INO80D: variants seen among roughly 807,000 people sequenced by gnomAD.
INO80D encodes INO80 complex subunit D.
Under a neutral mutation model 87.6 loss-of-function variants are expected in INO80D, and 21 were observed. The observed-to-expected ratio is 0.24, with a 90% CI of 0.17 to 0.35. INO80D has a LOEUF of 0.35. Ranked by LOEUF, INO80D falls within the 10% of genes least tolerant of loss-of-function variation. INO80D has a pLI of 1.00. For missense variants in INO80D, 982 were observed against 1,280.7 expected (o/e 0.77, Z 3.56); for synonymous variants, 440 against 491.0 (o/e 0.90, Z 1.37).
At chr2:206,076,401 A>C (rs1690117408) in intron 1 of INO80D, among the ~76,000 whole-genome samples, 1 of 152,228 alleles carries the variant, frequency 6.6e-6, no homozygotes. Flanking sequence ...TTGATGAAGC[A>C]TAAGAATGTA....
chr2:206,016,072 C>T (rs1020019616), intron 8 of INO80D, among the ~76,000 whole-genome samples: 1 of 152,122 alleles, frequency 6.6e-6, no homozygotes, highest in Non-Finnish European at 1.5e-5. Flanking sequence ...ATCCTCCAGA[C>T]CCCAGAATGG....
intron 1 of INO80D, among the ~76,000 whole-genome samples, chr2:206,076,283 T>C (rs1690114101): frequency 6.6e-6 from 1 of 152,236 alleles, no homozygotes. Context: ...AAAGAATATT[T>C]ACTTATCCCA....
chr2:206,024,901 G>A (rs1434371887), intron 6 of INO80D, among the ~76,000 whole-genome samples: 5 of 151,816 alleles, frequency 3.3e-5, no homozygotes, highest in Non-Finnish European at 7.4e-5. Context: ...GACTACAGGT[G>A]CCCACCACCA....
intron 4 of INO80D, among the ~76,000 whole-genome samples, chr2:206,047,601 C>T (rs562021129): frequency 4.8e-4 from 72 of 150,844 alleles, no homozygotes; most frequent in African/African-American, 1.7e-3. Context: ...AAAAGAAGCT[C>T]GATATATGTT....
At chr2:206,022,807 G>A (rs945737325) in intron 6 of INO80D, among the ~76,000 whole-genome samples, 9 of 152,154 alleles carry the variant, frequency 5.9e-5, no homozygotes, top group South Asian at 2.1e-4. Context: ...TCTGCCTCCC[G>A]GGTTCAAGCA....
intron 5 of INO80D, among the ~76,000 whole-genome samples, chr2:206,043,865 G>C (rs1689125401): frequency 6.6e-6 from 1 of 152,134 alleles, no homozygotes; most frequent in African/African-American, 2.4e-5. Context: ...ACAGGTAGCT[G>C]CAACAAGAAA....
At chr2:206,075,039 C>CAAAAAAAAAAAAAAAAAAA (rs56081344) in intron 1 of INO80D, among the ~76,000 whole-genome samples, 16 of 117,702 alleles carry the variant, frequency 1.4e-4, no homozygotes, top group African/African-American at 3.7e-4. Flanking sequence ...AACTCCATCT[C>CAAAAAAAAAAAAAAAAAAA]AAAAAAAAAA....
intron 6 of INO80D, 46 bp downstream of exon 6, chr2:206,028,065 G>T: frequency 7.5e-7 from 1 of 1,333,584 alleles, no homozygotes; most frequent in Non-Finnish European, 1.0e-6. Context: ...AATAAAGAAA[G>T]CAAACTGAGA....
At chr2:206,075,249 T>C (rs985913105) in intron 1 of INO80D, among the ~76,000 whole-genome samples, 1 of 152,180 alleles carries the variant, frequency 6.6e-6, no homozygotes, top group African/African-American at 2.4e-5. Context: ...GACAAAAATA[T>C]GAACATTATT....
intron 6 of INO80D, among the ~76,000 whole-genome samples, chr2:206,026,915 T>C (rs925041106): frequency 6.6e-6 from 1 of 152,070 alleles, no homozygotes; most frequent in African/African-American, 2.4e-5. Context: ...TTGAAGAACA[T>C]AGGGAAATGG....
At position 206,031,526 on chromosome 2, in the gene INO80D, A is replaced by C. The variant is rs570957184; in HGVS notation, c.1074-3191T>G. Among the ~76,000 whole-genome samples the C allele has an allele frequency of 9.2e-5, 14 of 152,314 alleles. No individual in the cohort carries two copies. The South Asian group carries it at 2.5e-3, about 27-fold the overall frequency. ...CCCCTGCCACCGCTATCACCACCTC[A>C]GTGTCCCTTGGCTCCAGTCCCACTC... is the stretch of plus-strand genomic sequence containing the variant. On this transcript the variant is annotated intron_variant, in intron 5 of 10. Transcript: ENST00000403263.
intron 1 of INO80D, among the ~76,000 whole-genome samples, chr2:206,080,519 TTAAAG>T (rs1162596476): frequency 1.3e-5 from 2 of 152,194 alleles, no homozygotes; most frequent in Non-Finnish European, 2.9e-5. Flanking sequence ...ATTTGCCCCA[TTAAAG>T]TAATTATAAT....
intron 6 of INO80D, among the ~76,000 whole-genome samples, chr2:206,023,580 G>C (rs1428951251): frequency 6.6e-6 from 1 of 151,790 alleles, no homozygotes; most frequent in Non-Finnish European, 1.5e-5. Flanking sequence ...CTACTTGGGA[G>C]GCTGAGGGAG....
intron 5 of INO80D, among the ~76,000 whole-genome samples, chr2:206,029,460 C>T (rs945772892): frequency 1.3e-5 from 2 of 152,214 alleles, no homozygotes; most frequent in East Asian, 1.9e-4. Flanking sequence ...GCCCACTGGA[C>T]TTGAAAACTG....
chr2:206,046,701 A>C (rs752267995), intron 4 of INO80D, 89 bp from the exon 5 acceptor site: 1 of 772,498 alleles, frequency 1.3e-6, no homozygotes, highest in Non-Finnish European at 2.2e-6. Context: ...AACATAACCC[A>C]ACATACCTAT....
chr2:206,079,222 A>G (rs960999505), intron 1 of INO80D, among the ~76,000 whole-genome samples: 1 of 151,958 alleles, frequency 6.6e-6, no homozygotes, highest in Non-Finnish European at 1.5e-5. Context: ...ACAAAAATGC[A>G]CTACCACACC....
At chr2:206,046,673 T>A (rs1689204380) in intron 4 of INO80D, 61 bp from the exon 5 acceptor site, 3 of 1,098,522 alleles carry the variant, frequency 2.7e-6, no homozygotes, top group Admixed American at 1.9e-5. Context: ...AAATTTAAAC[T>A]AAAAAGCTAC....
rs552921278 is a variant in INO80D at position 206,028,250 on chromosome 2, G to A, written c.1159C>T (p.Arg387Cys). Residue 387 changes from arginine to cysteine, a missense_variant, in exon 6 of 11, where the codon CGC becomes TGC. Transcript: ENST00000403263. ...YFQQKYKHLC[R>C]LERAESRQKK... Reference sequence around the variant, plus strand: ...TGACGAGATTCTGCCCGCTCCAGGCGGCAGAGGTGCTTATATTTCTGCTGA... The same window carrying A: ...TGACGAGATTCTGCCCGCTCCAGGCAGCAGAGGTGCTTATATTTCTGCTGA... 6.8e-6 allele frequency: 11 copies of A among 1,613,540 alleles called. No homozygotes were observed. Among genetic ancestry groups the A allele is most frequent in the African/African-American group, 2.7e-5 (2 of 75,028 alleles).
chr2:206,084,270 C>CAT (rs1419248437), intron 1 of INO80D, among the ~76,000 whole-genome samples: 1 of 143,600 alleles, frequency 7.0e-6, no homozygotes, highest in African/African-American at 2.6e-5. Context: ...CACACACACA[C>CAT]ACACCCCAAA....
Sources: gnomAD v4.1 joint callset for allele counts (sites outside exome capture counted in the v4.1 genomes callset) on GRCh38, gnomAD v4.1.1 for gene constraint, MANE v1.5 for transcripts, NCBI Gene and HGNC (gene_info 2026-07-23, HGNC 2026-07-21) for gene names.